The following THADA variants were observed in gnomAD, a reference collection of about 807,000 sequenced individuals.
The protein encoded by THADA is THADA armadillo repeat containing.
THADA carries 213 observed loss-of-function variants against 219.8 expected under a neutral mutation model. That is an observed-to-expected ratio of 0.97 (90% confidence interval 0.87 to 1.09). The LOEUF (loss-of-function observed/expected upper bound fraction) is 1.09, where lower values mean the gene tolerates loss of function less well. THADA is among the 50% of genes least tolerant of loss of function. The probability of loss-of-function intolerance (pLI) is 0.00; values close to 1 mark genes in which losing one functional copy is unlikely to be tolerated. For synonymous variants in THADA, 1,018 were observed against 828.9 expected, an observed-to-expected ratio of 1.23 and a Z score of -3.92; for missense variants, 2,956 against 2,311.3, an observed-to-expected ratio of 1.28 and a Z score of -5.72.
chr2:43,329,791 G>T (rs1231826577), intron 30 of THADA, among the ~76,000 whole-genome samples: 1 of 152,142 alleles, frequency 6.6e-6, no homozygotes, highest in Non-Finnish European at 1.5e-5. Flanking sequence ...GTTATATCCT[G>T]GTAGCCAGTC....
chr2:43,518,787 A>G (rs1441590462), intron 22 of THADA, among the ~76,000 whole-genome samples: 1 of 152,142 alleles, frequency 6.6e-6, no homozygotes, highest in African/African-American at 2.4e-5. Context: ...TTTCAAACAT[A>G]TACCTCCAGC....
At position 43,331,345 on chromosome 2, in the gene THADA, G is replaced by C. The variant is rs748323642; in HGVS notation, c.4344-10805C>G. ...CAGGGGCTTCCAGGTGACAAGGACT[G>C]CTAATAGAGAGATTTCTGTTAATCC... On this transcript the variant is annotated intron_variant, in intron 30 of 37. Transcript: ENST00000405975. 7.3e-4 allele frequency among the ~76,000 whole-genome samples: 111 copies of C among 152,230 alleles called. 4 individuals are homozygous for C. Among genetic ancestry groups the C allele is most frequent in the Non-Finnish European group, 2.5e-4 (17 of 68,048 alleles).
intron 31 of THADA, among the ~76,000 whole-genome samples, chr2:43,297,601 G>A (rs1291893643): frequency 9.5e-6 from 1 of 105,300 alleles, no homozygotes; most frequent in Non-Finnish European, 1.9e-5. Flanking sequence ...GGAGGTGGGG[G>A]GGTCAGCCCC....
At chr2:43,427,366 A>G (rs1384885635) in intron 28 of THADA, among the ~76,000 whole-genome samples, 1 of 152,118 alleles carries the variant, frequency 6.6e-6, no homozygotes, top group Non-Finnish European at 1.5e-5. Context: ...CTTGGAGCAG[A>G]CAGGGCTCAA....
chr2:43,579,566 T>G (rs962949567), intron 8 of THADA, among the ~76,000 whole-genome samples: 1 of 152,232 alleles, frequency 6.6e-6, no homozygotes, highest in African/African-American at 2.4e-5. Context: ...AACTGTGACT[T>G]TGATTGGGGA....
chr2:43,576,760 T>C (rs1023380374), intron 10 of THADA, among the ~76,000 whole-genome samples: 2 of 152,174 alleles, frequency 1.3e-5, no homozygotes, highest in Non-Finnish European at 2.9e-5. Flanking sequence ...GCTCAAGCAA[T>C]GTTCTCACCT....
At chr2:43,498,271 G>C (rs758776213) in intron 25 of THADA, among the ~76,000 whole-genome samples, 1 of 152,084 alleles carries the variant, frequency 6.6e-6, no homozygotes, top group African/African-American at 2.4e-5. Context: ...CAGAGCTTCT[G>C]CTCGGGATGA....
rs555344153 is a variant in THADA, at chr2:43,411,844, G to A, written c.4059-13705C>T. 2.0e-5 allele frequency among the ~76,000 whole-genome samples: 3 copies of A among 152,322 alleles called. No individual in the cohort carries two copies. In the East Asian group the frequency reaches 5.8e-4, roughly 29 times the overall value. On this transcript the variant is annotated intron_variant, in intron 28 of 37. Coordinates refer to ENST00000405975, the MANE Select transcript of THADA (RefSeq NM_022065.5). ...AAGCCCTCTAGCATTTAATTAGGCT[G>A]CTAATTATGAGAAGAATCACATTGC...
At chr2:43,337,129 C>G (rs1229592139) in intron 30 of THADA, among the ~76,000 whole-genome samples, 1 of 152,266 alleles carries the variant, frequency 6.6e-6, no homozygotes, top group Non-Finnish European at 1.5e-5. Flanking sequence ...CCCGAATGCA[C>G]TGTCAGTTTG....
chr2:43,559,757 A>G (rs1033115197), intron 16 of THADA, among the ~76,000 whole-genome samples: 1 of 152,224 alleles, frequency 6.6e-6, no homozygotes, highest in East Asian at 1.9e-4. Context: ...GTACTCGGTA[A>G]GTTTCAGTCT....
intron 30 of THADA, chr2:43,343,815 C>A: frequency 4.2e-6 from 1 of 239,312 alleles, no homozygotes; most frequent in Non-Finnish European, 8.4e-6. Flanking sequence ...TCAATTACTG[C>A]CTTTCATTGT....
At chr2:43,406,554 G>A (rs1675558914) in intron 28 of THADA, among the ~76,000 whole-genome samples, 1 of 152,180 alleles carries the variant, frequency 6.6e-6, no homozygotes, top group Non-Finnish European at 1.5e-5. Context: ...CAGGGGCACT[G>A]AAATGTGCTA....
chr2:43,264,613 A>T (rs897968085), intron 36 of THADA, among the ~76,000 whole-genome samples: 13 of 152,176 alleles, frequency 8.5e-5, no homozygotes, highest in African/African-American at 3.1e-4. Flanking sequence ...GATGAAAAAC[A>T]ATCTAAGATT....
chr2:43,482,923 G>A (rs1176315710), intron 26 of THADA, among the ~76,000 whole-genome samples: 1 of 152,106 alleles, frequency 6.6e-6, no homozygotes, highest in East Asian at 1.9e-4. Context: ...TATTATTCCT[G>A]GTATATAGAT....
Position 43,293,222 on chromosome 2 carries a change from C to CA in THADA, c.4439-10dup. 1.3e-6 allele frequency: 2 copies of CA among 1,575,216 alleles called. No homozygotes were observed. Among genetic ancestry groups the CA allele is most frequent in the Non-Finnish European group, 1.7e-6 (2 of 1,162,066 alleles). On this transcript the variant is annotated splice_polypyrimidine_tract_variant and intron_variant, in intron 31 of 37. Coordinates refer to ENST00000405975, the MANE Select transcript of THADA (RefSeq NM_022065.5). ...GCCAAGACTCTCCAGAACTAAGAAGCAAAAAAAGCAAAAGGGAAAGAGATA... is the reference window on the plus strand; with the variant it reads ...GCCAAGACTCTCCAGAACTAAGAAGCAAAAAAAAGCAAAAGGGAAAGAGATA...
chr2:43,565,458 T>C (rs1290602797), intron 15 of THADA: 2 of 150,698 alleles, frequency 1.3e-5, no homozygotes, highest in East Asian at 3.9e-4. Flanking sequence ...AAGATGAATC[T>C]AGGTAGAGCA....
At chr2:43,465,962 C>A (rs1684180774) in intron 26 of THADA, among the ~76,000 whole-genome samples, 1 of 152,210 alleles carries the variant, frequency 6.6e-6, no homozygotes, top group Admixed American at 6.5e-5. Flanking sequence ...AGCCACAAAT[C>A]TGCTGCCATG....
intron 16 of THADA, among the ~76,000 whole-genome samples, chr2:43,558,970 G>T (rs1438798494): frequency 6.6e-6 from 1 of 152,146 alleles, no homozygotes; most frequent in East Asian, 1.9e-4. Context: ...ATCAAATTTA[G>T]AGATGCAGAG....
At chr2:43,384,730 C>T (rs1031797876) in intron 29 of THADA, among the ~76,000 whole-genome samples, 2 of 152,200 alleles carry the variant, frequency 1.3e-5, no homozygotes, top group Admixed American at 6.5e-5. Flanking sequence ...CTTTGGGAGG[C>T]TGAGGCGGGA....
Sources: allele counts gnomAD v4.1 joint callset (sites outside exome capture counted in the v4.1 genomes callset), GRCh38; gene constraint gnomAD v4.1.1; transcripts MANE v1.5; gene names NCBI Gene and HGNC (gene_info 2026-07-23, HGNC 2026-07-21).